KHDRBS2: variants seen among roughly 807,000 people sequenced by gnomAD.
KHDRBS2 encodes KH RNA binding domain containing, signal transduction associated 2.
A neutral mutation model predicts 44.3 loss-of-function variants in KHDRBS2; 26 were observed. That is an observed-to-expected ratio of 0.59 (90% CI 0.43 to 0.81). The LOEUF (loss-of-function observed/expected upper bound fraction) is 0.81, where lower values mean the gene tolerates loss of function less well. KHDRBS2 is among the 40% of genes least tolerant of loss of function. The probability of loss-of-function intolerance (pLI) is 0.00; values close to 1 mark genes in which losing one functional copy is unlikely to be tolerated. For missense variants in KHDRBS2, 476 were observed against 433.1 expected (o/e 1.10, Z -0.88); for synonymous variants, 194 against 151.1 (o/e 1.28, Z -2.08).
chr6:62,255,945 A>C (rs371938950), intron 1 of KHDRBS2, among the ~76,000 whole-genome samples: 108 of 152,048 alleles, frequency 7.1e-4, no homozygotes, highest in Middle Eastern at 3.4e-3. Context: ...CAGCCTGGCC[A>C]ACATGATGAA....
At chr6:62,237,591 A>G (rs1833901465) in intron 1 of KHDRBS2, among the ~76,000 whole-genome samples, 1 of 152,210 alleles carries the variant, frequency 6.6e-6, no homozygotes, top group South Asian at 2.1e-4. Context: ...GCCTAAGAAT[A>G]AAAGTATTAG....
At chr6:61,992,044 A>G (rs1269936468) in intron 3 of KHDRBS2, among the ~76,000 whole-genome samples, 1 of 152,208 alleles carries the variant, frequency 6.6e-6, no homozygotes, top group Non-Finnish European at 1.5e-5. Context: ...ACTTACTAGA[A>G]TATAGCTGGT....
chr6:61,884,330 A>G (rs998245030), intron 6 of KHDRBS2, among the ~76,000 whole-genome samples: 3 of 152,078 alleles, frequency 2.0e-5, no homozygotes, highest in Admixed American at 6.6e-5. Context: ...TTGATTATGG[A>G]GTCAAAATTT....
At chr6:62,130,619 A>T (rs2150089594) in intron 2 of KHDRBS2, among the ~76,000 whole-genome samples, 1 of 152,130 alleles carries the variant, frequency 6.6e-6, no homozygotes, top group African/African-American at 2.4e-5. Flanking sequence ...TGAATAATAT[A>T]TAGATGCTCC....
chr6:62,183,264 A>G (rs999842425), intron 1 of KHDRBS2, among the ~76,000 whole-genome samples: 4 of 151,752 alleles, frequency 2.6e-5, no homozygotes, highest in Non-Finnish European at 5.9e-5. Flanking sequence ...AGAAATCACA[A>G]TTATCTGCTT....
chr6:61,615,628 A>G, the KHDRBS2 span, among the ~76,000 whole-genome samples: 2 of 152,296 alleles, frequency 1.3e-5, no homozygotes, highest in South Asian at 2.1e-4. Context: ...CCCTAATTTG[A>G]AAATGTAAAA....
chr6:61,628,412 A>G, the KHDRBS2 span, among the ~76,000 whole-genome samples: 1 of 152,006 alleles, frequency 6.6e-6, no homozygotes. Context: ...GCACACATGT[A>G]TATGTTGAAT....
intron 5 of KHDRBS2, 50 bp from the exon 6 acceptor site, chr6:61,894,883 GGGCCTATCACAGAAAAAGTTTT>G: frequency 7.4e-7 from 1 of 1,352,322 alleles, no homozygotes; most frequent in Non-Finnish European, 1.0e-6. Context: ...TGAGAGAAAA[GGGCCTATCACAGAAAAAGTTTT>G]CATCTCACAG....
At chr6:62,023,113 C>A (rs1782640199) in intron 3 of KHDRBS2, among the ~76,000 whole-genome samples, 1 of 151,650 alleles carries the variant, frequency 6.6e-6, no homozygotes, top group Non-Finnish European at 1.5e-5. Context: ...TTAATCTCAT[C>A]AAAACCTAGG....
intron 3 of KHDRBS2, among the ~76,000 whole-genome samples, chr6:61,995,968 C>A (rs1359383986): frequency 6.6e-6 from 1 of 152,052 alleles, no homozygotes; most frequent in African/African-American, 2.4e-5. Context: ...TCTAGACTTC[C>A]ATCAATGCAT....
intron 8 of KHDRBS2, among the ~76,000 whole-genome samples, chr6:61,683,682 A>G (rs1330418004): frequency 6.6e-6 from 1 of 151,946 alleles, no homozygotes; most frequent in Non-Finnish European, 1.5e-5. Flanking sequence ...ATATTTCACT[A>G]TTGAATTCAA....
At chr6:62,096,718 A>AT (rs1489705950) in intron 2 of KHDRBS2, among the ~76,000 whole-genome samples, 2 of 151,708 alleles carry the variant, frequency 1.3e-5, no homozygotes, top group African/African-American at 4.8e-5. Flanking sequence ...TATTTCACTT[A>AT]TCTCTGCTCT....
chr6:61,777,987 C>T (rs1256482633), intron 6 of KHDRBS2, among the ~76,000 whole-genome samples: 1 of 151,924 alleles, frequency 6.6e-6, no homozygotes, highest in Non-Finnish European at 1.5e-5. Context: ...ATTTTTTCTG[C>T]CCCTCTCCCT....
At chr6:61,605,421 GTAAA>G in the KHDRBS2 span, among the ~76,000 whole-genome samples, 1 of 152,176 alleles carries the variant, frequency 6.6e-6, no homozygotes, top group Non-Finnish European at 1.5e-5. Flanking sequence ...AACTCTTAAA[GTAAA>G]TAAATAATCT....
At chr6:61,630,928 A>G in the KHDRBS2 span, among the ~76,000 whole-genome samples, 2 of 152,248 alleles carry the variant, frequency 1.3e-5, no homozygotes, top group Non-Finnish European at 2.9e-5. Context: ...TAGACTCTTC[A>G]GTGAGAGGCA....
the KHDRBS2 span, among the ~76,000 whole-genome samples, chr6:61,607,169 AAAAGTTTGTTG>A: frequency 6.6e-6 from 1 of 152,082 alleles, no homozygotes. Flanking sequence ...TTTGGACATT[AAAAGTTTGTTG>A]AAATAAAGAA....
At chr6:61,567,213 T>A in the KHDRBS2 span, among the ~76,000 whole-genome samples, 1 of 152,060 alleles carries the variant, frequency 6.6e-6, no homozygotes, top group African/African-American at 2.4e-5. Flanking sequence ...AAGATTTATA[T>A]CTCAAAGGGG....
At chr6:61,826,959 G>A (rs1160665951) in intron 6 of KHDRBS2, among the ~76,000 whole-genome samples, 7 of 152,040 alleles carry the variant, frequency 4.6e-5, no homozygotes, top group East Asian at 1.9e-4. Context: ...TCAATTATTC[G>A]ATATCTATCA....
At chr6:62,135,351 C>T (rs1811280016) in intron 2 of KHDRBS2, among the ~76,000 whole-genome samples, 1 of 152,316 alleles carries the variant, frequency 6.6e-6, no homozygotes, top group Middle Eastern at 3.4e-3. Flanking sequence ...CCATGTGGAA[C>T]TGTGAAGTCC....
Sources: gnomAD v4.1 joint callset for allele counts (sites outside exome capture counted in the v4.1 genomes callset) on GRCh38, gnomAD v4.1.1 for gene constraint, MANE v1.5 for transcripts, NCBI Gene and HGNC (gene_info 2026-07-23, HGNC 2026-07-21) for gene names.